Variants in TIAM1 observed in about 807,000 individuals in gnomAD.
TIAM1 encodes TIAM Rac1 associated GEF 1, also known as rho guanine nucleotide exchange factor TIAM1.
Under a neutral mutation model 163.5 loss-of-function variants are expected in TIAM1, and 65 were observed. The observed-to-expected ratio is 0.40, with a 90% CI of 0.33 to 0.49. The LOEUF is 0.49. Ranked by LOEUF, TIAM1 falls within the 20% of genes least tolerant of loss-of-function variation. The pLI, the probability that TIAM1 is intolerant of heterozygous loss-of-function variation, is 0.77. For missense variants in TIAM1, 1,789 were observed against 2,044.7 expected (o/e 0.87, Z 2.41); for synonymous variants, 833 against 810.1 (o/e 1.03, Z -0.48).
At chr21:31,135,128 C>T (rs1482653290) in intron 23 of TIAM1, among the ~76,000 whole-genome samples, 1 of 151,632 alleles carries the variant, frequency 6.6e-6, no homozygotes, top group African/African-American at 2.4e-5. Context: ...AGTCTTTTAG[C>T]AAGAGGCTAG....
chr21:31,551,599 C>T (rs1601077482), intron 1 of TIAM1, among the ~76,000 whole-genome samples: 2 of 151,132 alleles, frequency 1.3e-5, no homozygotes, highest in African/African-American at 2.4e-5. Flanking sequence ...AAAAATTAGC[C>T]GGCCATACTG....
intron 2 of TIAM1, among the ~76,000 whole-genome samples, chr21:31,424,968 G>A (rs1292301369): frequency 4.0e-5 from 6 of 151,656 alleles, no homozygotes; most frequent in Admixed American, 2.0e-4. Context: ...CAGGAGAATC[G>A]CTTGAACTGG....
At chr21:31,384,656 G>C (rs1356052860) in intron 2 of TIAM1, among the ~76,000 whole-genome samples, 1 of 152,126 alleles carries the variant, frequency 6.6e-6, no homozygotes, top group Non-Finnish European at 1.5e-5. Context: ...CATACAGCTT[G>C]AGTTTGCTTT....
chr21:31,479,136 G>T (rs1486993055), intron 1 of TIAM1, among the ~76,000 whole-genome samples: 3 of 152,222 alleles, frequency 2.0e-5, no homozygotes, highest in Non-Finnish European at 4.4e-5. Flanking sequence ...GCACAACTTA[G>T]ATTCCACATT....
intron 1 of TIAM1, among the ~76,000 whole-genome samples, chr21:31,507,346 A>C (rs1311968233): frequency 6.6e-6 from 1 of 151,238 alleles, no homozygotes; most frequent in East Asian, 2.0e-4. Flanking sequence ...CTGGGATTAC[A>C]GGCACCTGCC....
intron 6 of TIAM1, among the ~76,000 whole-genome samples, chr21:31,234,141 T>G (rs2088600977): frequency 1.3e-5 from 2 of 152,056 alleles, no homozygotes; most frequent in African/African-American, 4.8e-5. Context: ...AGGCAGAGAC[T>G]AAAGCACACA....
rs1337950275 is a variant in TIAM1 at position 31,395,889 on chromosome 21, A to G, written c.-368-56467T>C. ...GGAGGGCCTGAACAGAAAGAAAACA[A>G]GGAGCGAAAACAAAATAAGGCTGTC... is the stretch of plus-strand genomic sequence containing the variant. On this transcript the variant is annotated intron_variant, in intron 2 of 28. Coordinates refer to the TIAM1 transcript ENST00000286827. This position sits in a 1 kb window ranked among gnomAD's most constrained non-coding sequence, Gnocchi z 7.5. 6.6e-6 allele frequency among the ~76,000 whole-genome samples: 1 copy of G among 152,170 alleles called. No homozygotes were observed. Among genetic ancestry groups the G allele is most frequent in the African/African-American group, 2.4e-5 (1 of 41,442 alleles).
chr21:31,217,380 A>G (rs184398824), intron 9 of TIAM1, among the ~76,000 whole-genome samples, 173 bp downstream of exon 9: 1 of 152,250 alleles, frequency 6.6e-6, no homozygotes, highest in East Asian at 1.9e-4. Flanking sequence ...GCAGAGTTCA[A>G]TGTTATGGGT....
intron 1 of TIAM1, among the ~76,000 whole-genome samples, chr21:31,483,166 T>G (rs1192920161): frequency 2.0e-5 from 3 of 152,186 alleles, no homozygotes; most frequent in African/African-American, 7.2e-5. Context: ...TTTATAAACA[T>G]AAGCAAACAT....
intron 2 of TIAM1, among the ~76,000 whole-genome samples, chr21:31,426,054 T>C (rs1569320605): frequency 6.6e-6 from 1 of 152,040 alleles, no homozygotes; most frequent in East Asian, 1.9e-4. Context: ...TTTTTGGGGA[T>C]CAGGCGGTTT....
intron 2 of TIAM1, among the ~76,000 whole-genome samples, chr21:31,355,395 A>C (rs2147124338): frequency 6.6e-6 from 1 of 152,214 alleles, no homozygotes. Context: ...GTAACCTTAG[A>C]CTTGAGGTCT....
intron 23 of TIAM1, among the ~76,000 whole-genome samples, chr21:31,132,347 C>T (rs971794114): frequency 6.6e-6 from 1 of 152,180 alleles, no homozygotes; most frequent in African/African-American, 2.4e-5. Context: ...TAGCCCTTCA[C>T]ACCTCACAGC....
intron 2 of TIAM1, among the ~76,000 whole-genome samples, chr21:31,278,630 T>C (rs1217241176): frequency 6.6e-6 from 1 of 152,352 alleles, no homozygotes; most frequent in African/African-American, 2.4e-5. Flanking sequence ...TATATACGTC[T>C]ATCCAGAATG....
chr21:31,544,809 C>T (rs902452783), intron 1 of TIAM1, among the ~76,000 whole-genome samples: 1 of 152,034 alleles, frequency 6.6e-6, no homozygotes, highest in South Asian at 2.1e-4. Context: ...GTCAGGAGAT[C>T]GAGACCATCC....
intron 15 of TIAM1, among the ~76,000 whole-genome samples, chr21:31,166,109 T>C (rs1041815207): frequency 3.3e-5 from 5 of 152,138 alleles, no homozygotes; most frequent in Non-Finnish European, 7.3e-5. Flanking sequence ...AGGCATGGGG[T>C]TGGGCCTAAG....
chr21:31,387,433 G>T (rs931748103), intron 2 of TIAM1, among the ~76,000 whole-genome samples: 2 of 151,528 alleles, frequency 1.3e-5, no homozygotes, highest in Non-Finnish European at 2.9e-5. Flanking sequence ...GGCTGGTCTC[G>T]AACTCCTGAC....
intron 19 of TIAM1, among the ~76,000 whole-genome samples, chr21:31,147,706 AT>A (rs1205268295): frequency 6.9e-6 from 1 of 144,652 alleles, no homozygotes; most frequent in Non-Finnish European, 1.5e-5. Context: ...TAAAATATAT[AT>A]TTTATATAAT....
intron 20 of TIAM1, among the ~76,000 whole-genome samples, chr21:31,142,390 A>G (rs917002172): frequency 6.8e-6 from 1 of 147,758 alleles, no homozygotes; most frequent in Non-Finnish European, 1.5e-5. Flanking sequence ...GGCAGAGGCG[A>G]GCGGATCACT....
intron 2 of TIAM1, among the ~76,000 whole-genome samples, chr21:31,450,669 G>A (rs765415015): frequency 1.3e-5 from 2 of 152,184 alleles, no homozygotes; most frequent in African/African-American, 2.4e-5. Flanking sequence ...AGAACAAAGT[G>A]TAATGGACTC....
Sources: allele counts gnomAD v4.1 joint callset (sites outside exome capture counted in the v4.1 genomes callset), GRCh38; gene constraint gnomAD v4.1.1; non-coding constraint Gnocchi (gnomAD v3.1); transcripts MANE v1.5; gene names NCBI Gene and HGNC (gene_info 2026-07-23, HGNC 2026-07-21).